Variants in WDR27 observed in about 807,000 individuals in gnomAD.
The protein encoded by WDR27 is WD repeat-containing protein 27.
WDR27 carries 100 observed loss-of-function variants against 114.4 expected under a neutral mutation model. The ratio of observed to expected loss-of-function variants is 0.87; its 90% CI spans 0.74 to 1.03. The LOEUF (loss-of-function observed/expected upper bound fraction) is 1.03. Ranked by LOEUF, WDR27 falls within the 50% of genes least tolerant of loss-of-function variation. WDR27 has a pLI of 0.00. For synonymous variants in WDR27, 449 were observed against 423.1 expected, an observed-to-expected ratio of 1.06 and a Z score of -0.75; for missense variants, 1,129 against 1,092.9, an observed-to-expected ratio of 1.03 and a Z score of -0.47.
At chr6:169,586,737 T>C (rs1177360903) in intron 23 of WDR27, among the ~76,000 whole-genome samples, 2 of 149,826 alleles carry the variant, frequency 1.3e-5, no homozygotes, top group Admixed American at 6.7e-5. Context: ...TAATCACAGC[T>C]ACTCAGGAGG....
Position 169,510,609 on chromosome 6 carries a change from T to C in WDR27, c.2646-52975A>G, listed in dbSNP as rs1410421954. 8.3e-5 allele frequency among the ~76,000 whole-genome samples: 10 copies of C among 119,816 alleles called. No homozygotes were observed. The East Asian group carries it at 1.6e-3, about 20-fold the overall frequency. The allele number at this position is 119,816 out of a possible 152,430, so 78.6% of individuals were successfully genotyped here. On this transcript the variant is annotated intron_variant, in intron 25 of 25. Transcript: ENST00000448612. ...GAACACATGGACACAGGAAGGGGAA[T>C]ATCACACACTGGGGACTGTTGTGGG...
intron 1 of WDR27, among the ~76,000 whole-genome samples, chr6:169,690,425 T>C (rs1280456997): frequency 6.6e-6 from 1 of 152,234 alleles, no homozygotes; most frequent in East Asian, 1.9e-4. Context: ...GCAGGGCTTT[T>C]ACTGCCTCAG....
chr6:169,488,946 CT>C (rs35035417), intron 25 of WDR27, among the ~76,000 whole-genome samples: 2,348 of 135,446 alleles, frequency 0.017, 46 homozygotes, highest in African/African-American at 0.055. Flanking sequence ...TTGATGCCCC[CT>C]TTTTTTTTTT....
the WDR27 span, among the ~76,000 whole-genome samples, chr6:169,430,908 T>C: frequency 6.6e-6 from 1 of 152,124 alleles, no homozygotes; most frequent in African/African-American, 2.4e-5. Flanking sequence ...TATGAAGAAA[T>C]GGATGATATG....
At chr6:169,651,057 A>C (rs1372564404) in intron 14 of WDR27, among the ~76,000 whole-genome samples, 2 of 151,994 alleles carry the variant, frequency 1.3e-5, no homozygotes, top group African/African-American at 4.8e-5. Flanking sequence ...TGCCTGGAGC[A>C]CAGCAGTACC....
chr6:169,651,817 TCCTCTCTCCATACTGTGG>T, intron 14 of WDR27, 95 bp downstream of exon 14: 1 of 892,248 alleles, frequency 1.1e-6, no homozygotes, highest in Non-Finnish European at 1.7e-6. Flanking sequence ...TATTGCTATG[TCCTCTCTCCATACTGTGG>T]CCCTCGGGGA....
At chr6:169,666,349 T>A (rs1000168269) in intron 6 of WDR27, 36 of 972,024 alleles carry the variant, frequency 3.7e-5, no homozygotes, top group Non-Finnish European at 4.2e-5. Context: ...TGAGAAGATA[T>A]AACAATAACT....
intron 25 of WDR27, among the ~76,000 whole-genome samples, chr6:169,544,355 G>A (rs1170821620): frequency 6.7e-6 from 1 of 149,670 alleles, no homozygotes; most frequent in East Asian, 1.9e-4. Flanking sequence ...AAAACTCTTA[G>A]AACTAATAAG....
chr6:169,699,924 G>C (rs1052223388), intron 1 of WDR27, among the ~76,000 whole-genome samples: 6 of 152,260 alleles, frequency 3.9e-5, no homozygotes, highest in South Asian at 4.1e-4. Context: ...TGAAGCTATA[G>C]TGAGCTGTGA....
At chr6:169,573,921 A>G (rs1361336279) in intron 24 of WDR27, among the ~76,000 whole-genome samples, 1 of 152,230 alleles carries the variant, frequency 6.6e-6, no homozygotes, top group Non-Finnish European at 1.5e-5. Context: ...TGCTGGAAAT[A>G]AGTCTTGCTT....
intron 25 of WDR27, among the ~76,000 whole-genome samples, chr6:169,466,357 G>A (rs1051280354): frequency 2.0e-5 from 3 of 152,166 alleles, no homozygotes; most frequent in Admixed American, 2.0e-4. Context: ...ATTTCCACAT[G>A]GCTGGGGAGA....
At chr6:169,664,456 G>A (rs1314524562) in intron 7 of WDR27, 170 bp from the exon 8 acceptor site, 3 of 1,478,374 alleles carry the variant, frequency 2.0e-6, no homozygotes, top group Non-Finnish European at 1.8e-6. Flanking sequence ...CCCTCTGGAG[G>A]CCCTCCGTAC....
In WDR27 at chr6:169,541,193, A is replaced by T. The variant is rs533325472; in HGVS notation, c.2645+31226T>A. On this transcript the variant is annotated intron_variant, in intron 25 of 25. Transcript: ENST00000448612. ...AAGACATAAAAAGGACAAGGAAAACAGTAAAATGAATGACAGGCCAAGAAG... is the reference window on the plus strand; with the variant it reads ...AAGACATAAAAAGGACAAGGAAAACTGTAAAATGAATGACAGGCCAAGAAG... Among the ~76,000 whole-genome samples, 11 of 152,342 alleles carry T rather than the reference A, an allele frequency of 7.2e-5. No homozygotes were observed. The South Asian group carries it at 1.2e-3, about 17-fold the overall frequency.
At chr6:169,457,984 G>GAGGAGGAGGAGC (rs1784466688) in intron 25 of WDR27, among the ~76,000 whole-genome samples, 1 of 150,240 alleles carries the variant, frequency 6.7e-6, no homozygotes, top group African/African-American at 2.5e-5. Context: ...GGAGGAGGAG[G>GAGGAGGAGGAGC]AGGAGGAGGA....
At chr6:169,529,059 C>T (rs1795270249) in intron 25 of WDR27, among the ~76,000 whole-genome samples, 1 of 152,054 alleles carries the variant, frequency 6.6e-6, no homozygotes, top group African/African-American at 2.4e-5. Context: ...TTTATATTTA[C>T]AACACAAATT....
At chr6:169,493,311 TG>T (rs1364057304) in intron 25 of WDR27, among the ~76,000 whole-genome samples, 1 of 152,014 alleles carries the variant, frequency 6.6e-6, no homozygotes, top group Admixed American at 6.6e-5. Flanking sequence ...TTAAAATCTC[TG>T]GGAAGATAAA....
At chr6:169,519,552 C>T (rs1343184377) in intron 25 of WDR27, among the ~76,000 whole-genome samples, 1 of 151,928 alleles carries the variant, frequency 6.6e-6, no homozygotes, top group Non-Finnish European at 1.5e-5. Context: ...CTTAAACAAC[C>T]AGATCTCATA....
At chr6:169,430,064 C>T in the WDR27 span, among the ~76,000 whole-genome samples, 1 of 152,312 alleles carries the variant, frequency 6.6e-6, no homozygotes, top group Admixed American at 6.5e-5. Context: ...CTGCTCTGAG[C>T]TGCAGAAGGG....
chr6:169,500,212 C>T (rs754953013), intron 25 of WDR27, among the ~76,000 whole-genome samples: 17 of 152,136 alleles, frequency 1.1e-4, no homozygotes, highest in Non-Finnish European at 2.2e-4. Flanking sequence ...TCCTTTTATC[C>T]TGATTTAGCT....
Sources: gnomAD v4.1 joint callset for allele counts (sites outside exome capture counted in the v4.1 genomes callset) on GRCh38, gnomAD v4.1.1 for gene constraint, MANE v1.5 for transcripts, NCBI Gene and HGNC (gene_info 2026-07-23, HGNC 2026-07-21) for gene names.